DDX60L: variants seen among roughly 807,000 people sequenced by gnomAD.
DDX60L encodes probable ATP-dependent RNA helicase DDX60-like.
Under a neutral mutation model 211.6 loss-of-function variants are expected in DDX60L, and 191 were observed. That is an observed-to-expected ratio of 0.90 (90% CI 0.80 to 1.02). The LOEUF (loss-of-function observed/expected upper bound fraction) is 1.02. DDX60L is among the 50% of genes least tolerant of loss of function. The pLI is 0.00. For synonymous variants in DDX60L, 706 were observed against 694.1 expected, an observed-to-expected ratio of 1.02 and a Z score of -0.27; for missense variants, 2,007 against 1,984.1, an observed-to-expected ratio of 1.01 and a Z score of -0.22.
In DDX60L at chr4:168,422,523, C is replaced by A. The variant is rs1158600663; in HGVS notation, c.2244+1G>T. ...AAAAGTACAATGTTTGTTGTCATTA[C>A]CTGCCATGCGTTGGGAATAAAATCC... is the stretch of plus-strand genomic sequence containing the variant. On this transcript the variant is annotated splice_donor_variant, in intron 16 of 37. Coordinates refer to ENST00000682922, the MANE Select transcript of DDX60L (RefSeq NM_001012967.3). LOFTEE classifies it high-confidence loss of function. 1 of 1,606,376 alleles carries A rather than the reference C, an allele frequency of 6.2e-7. No individual in the cohort carries two copies. Among genetic ancestry groups the A allele is most frequent in the East Asian group, 2.2e-5 (1 of 44,830 alleles).
intron 32 of DDX60L, among the ~76,000 whole-genome samples, chr4:168,379,022 T>C (rs1179551521): frequency 1.3e-5 from 2 of 152,214 alleles, no homozygotes; most frequent in East Asian, 1.9e-4. Flanking sequence ...ACTGTGGGCA[T>C]TAAAAGGTGG....
intron 22 of DDX60L, among the ~76,000 whole-genome samples, chr4:168,408,376 AT>A (rs909271567): frequency 6.6e-6 from 1 of 152,204 alleles, no homozygotes; most frequent in African/African-American, 2.4e-5. Flanking sequence ...ATAGTGACTG[AT>A]TATTAACTTT....
chr4:168,401,073 T>G (rs532065083), intron 25 of DDX60L, 95 bp from the exon 26 acceptor site: 34 of 1,149,308 alleles, frequency 3.0e-5, no homozygotes, highest in Non-Finnish European at 3.9e-5. Flanking sequence ...ATCATCTGAA[T>G]AGACTTCATC....
At chr4:168,472,126 A>C (rs1429595768) in intron 3 of DDX60L, among the ~76,000 whole-genome samples, 190 bp from the exon 4 acceptor site, 3 of 152,202 alleles carry the variant, frequency 2.0e-5, no homozygotes, top group African/African-American at 7.2e-5. Context: ...TATTTTATTA[A>C]AATAAAATTA....
chr4:168,446,766 A>G (rs1330799475), intron 9 of DDX60L, among the ~76,000 whole-genome samples: 1 of 139,636 alleles, frequency 7.2e-6, no homozygotes, highest in Non-Finnish European at 1.5e-5. Context: ...ACCTGAGAAA[A>G]ACAAGCAATG....
Position 168,375,456 on chromosome 4 carries a change from C to T in DDX60L, c.4554G>A (p.Lys1518=). The T allele has an allele frequency of 6.2e-7, 1 of 1,612,912 alleles. No individual in the cohort carries two copies. Among genetic ancestry groups the T allele is most frequent in the Non-Finnish European group, 8.5e-7 (1 of 1,179,438 alleles). Residue 1518 remains lysine (K), a synonymous_variant, in exon 34 of 38, where the codon AAG becomes AAA. Transcript: ENST00000682922. ...ALYEYNLAVM[K]DFASFLLIAS... is the part of the protein sequence containing the mutation. ...CAATCAGCAGGAAGGAGGCAAAATC[C>T]TTCATTACTGCCAGGTTATACTCAT...
chr4:168,428,330 A>C (rs1751797332), intron 13 of DDX60L, among the ~76,000 whole-genome samples: 1 of 152,132 alleles, frequency 6.6e-6, no homozygotes, highest in South Asian at 2.1e-4. Flanking sequence ...CAGTGTAATC[A>C]GTGATAACTA....
rs954767309 is a variant in DDX60L, at chr4:168,417,405, G to C, written c.2611-608C>G. On this transcript the variant is annotated intron_variant, in intron 19 of 37. Coordinates refer to ENST00000682922, the MANE Select transcript of DDX60L (RefSeq NM_001012967.3). ...TCCACCTGAGGGCCTTCACATATACGACCCTGCTACTTAAAATCCTCATCC... is the reference window on the plus strand; with the variant it reads ...TCCACCTGAGGGCCTTCACATATACCACCCTGCTACTTAAAATCCTCATCC... Among the ~76,000 whole-genome samples the C allele has an allele frequency of 2.0e-5, 3 of 151,980 alleles. No individual in the cohort carries two copies. In the East Asian group the frequency reaches 5.8e-4, roughly 29 times the overall value.
In DDX60L at chr4:168,360,938, G is replaced by T. The variant is rs1193277723; in HGVS notation, c.4991+211C>A. Among the ~76,000 whole-genome samples the T allele has an allele frequency of 2.6e-5, 4 of 152,178 alleles. No homozygotes were observed. The East Asian group carries it at 5.8e-4, about 22-fold the overall frequency. ...ATTCAATTACAAATGGATTTGAGAT[G>T]AATCTTAATACAAAAAAAACAGCGT... On this transcript the variant is annotated intron_variant, in intron 37 of 37. Coordinates refer to ENST00000682922, the MANE Select transcript of DDX60L (RefSeq NM_001012967.3).
rs771314317 is a variant in DDX60L, at chr4:168,419,335, C to T, written c.2577G>A (p.Trp859Ter). 2 of 1,599,122 alleles carry T rather than the reference C, an allele frequency of 1.3e-6. No homozygotes were observed. Among genetic ancestry groups the T allele is most frequent in the Non-Finnish European group, 1.7e-6 (2 of 1,171,724 alleles). Residue 859 changes from tryptophan to a stop codon, truncating the protein, a stop_gained, in exon 19 of 38, where the codon TGG (tryptophan) becomes TGA (stop). Coordinates refer to ENST00000682922, the MANE Select transcript of DDX60L (RefSeq NM_001012967.3). LOFTEE classifies it high-confidence loss of function. ...ILLLAPHRQK[W>*]VERIRYVIFD... is the part of the protein sequence containing the mutation. ...ATATAACATATCTGATCCTTTCCAC[C>T]CATTTTTGGCGATGAGGAGCAAGCA... is the stretch of plus-strand genomic sequence containing the variant.
At position 168,400,897 on chromosome 4, in the gene DDX60L, G is replaced by A; in HGVS notation, c.3420C>T (p.His1140=). The A allele has an allele frequency of 6.2e-7, 1 of 1,613,494 alleles. No individual in the cohort carries two copies. The highest frequency in any genetic ancestry group is 2.2e-5 in the East Asian group (1 of 44,870). Residue 1140 remains histidine, a synonymous_variant, in exon 26 of 38, where the codon CAC becomes CAT. Transcript: ENST00000682922. ...LEKTETKSHP[H]TECHSYVFAI... ...CAAAGACATAACTATGACATTCAGT[G>A]TGGGGATGGCTTTTTGTCTCTGTCT...
chr4:168,423,856 A>ACATGAGGTTAATTG, intron 14 of DDX60L, 82 bp from the exon 15 acceptor site: 1 of 868,530 alleles, frequency 1.2e-6, no homozygotes, highest in Non-Finnish European at 1.7e-6. Context: ...TGAGTTAATC[A>ACATGAGGTTAATTG]ATTAACCTCA....
At chr4:168,424,873 G>A (rs888313598) in intron 14 of DDX60L, among the ~76,000 whole-genome samples, 6 of 152,076 alleles carry the variant, frequency 3.9e-5, no homozygotes, top group Admixed American at 1.3e-4. Flanking sequence ...GGTTTGGTGC[G>A]GTTTTGTTAC....
chr4:168,362,214 G>A (rs751727380), intron 36 of DDX60L, among the ~76,000 whole-genome samples: 1 of 152,186 alleles, frequency 6.6e-6, no homozygotes, highest in Admixed American at 6.5e-5. Flanking sequence ...ATTTGCATGT[G>A]CCTGGCCTGA....
chr4:168,391,445 C>T, intron 29 of DDX60L, 95 bp downstream of exon 29: 2 of 809,894 alleles, frequency 2.5e-6, no homozygotes, highest in East Asian at 2.7e-5. Flanking sequence ...AAAGGAAGGA[C>T]ACAAACCGTA....
chr4:168,446,242 A>C (rs1415686194), intron 9 of DDX60L, among the ~76,000 whole-genome samples: 1 of 151,980 alleles, frequency 6.6e-6, no homozygotes, highest in Admixed American at 6.6e-5. Flanking sequence ...AACAACAGAC[A>C]AACAGAGAGC....
At chr4:168,434,285 T>C (rs1037438057) in intron 10 of DDX60L, among the ~76,000 whole-genome samples, 1 of 152,220 alleles carries the variant, frequency 6.6e-6, no homozygotes, top group Non-Finnish European at 1.5e-5. Context: ...GATGTCTCTA[T>C]CCTCTGCTTC....
At chr4:168,397,655 C>T (rs1024016695) in intron 26 of DDX60L, among the ~76,000 whole-genome samples, 1 of 152,182 alleles carries the variant, frequency 6.6e-6, no homozygotes, top group Admixed American at 6.5e-5. Context: ...CCCTACCAAG[C>T]CATTCAGAAG....
rs1553990364 is a variant in DDX60L at position 168,377,339 on chromosome 4, T to TAAAA, written c.4485+1011_4485+1014dup. On this transcript the variant is annotated intron_variant, in intron 33 of 37. Coordinates refer to ENST00000682922, the MANE Select transcript of DDX60L (RefSeq NM_001012967.3). ...ATAAATAAATAAATAAATAAATAAATAAAAATATCTTCTTTCCAGTCCTCT... is the reference window on the plus strand; with the variant it reads ...ATAAATAAATAAATAAATAAATAAATAAAAAAAAATATCTTCTTTCCAGTCCTCT... Among the ~76,000 whole-genome samples the TAAAA allele has an allele frequency of 3.2e-5, 4 of 123,858 alleles. No homozygotes were observed. The Admixed American group carries it at 3.2e-4, about 10-fold the overall frequency. The allele number at this position is 123,858 out of a possible 152,430, so 81.3% of individuals were successfully genotyped here.
Sources: gnomAD v4.1 joint callset for allele counts (sites outside exome capture counted in the v4.1 genomes callset) on GRCh38, gnomAD v4.1.1 for gene constraint, MANE v1.5 for transcripts, NCBI Gene and HGNC (gene_info 2026-07-23, HGNC 2026-07-21) for gene names.